TMEM67: variants seen among roughly 807,000 people sequenced by gnomAD.
TMEM67 encodes the protein transmembrane protein 67.
In TMEM67, 124 loss-of-function variants were observed where a neutral mutation model predicts 136.6. The ratio of observed to expected loss-of-function variants is 0.91; its 90% confidence interval spans 0.78 to 1.05. The LOEUF (loss-of-function observed/expected upper bound fraction) is 1.05. Among genes scored for constraint, TMEM67 ranks in the 50% least tolerant of loss-of-function variants. The pLI, the probability that TMEM67 is intolerant of heterozygous loss-of-function variation, is 0.00. For missense variants in TMEM67, 1,107 were observed against 1,178.4 expected (o/e 0.94, Z 0.89); for synonymous variants, 364 against 390.5 (o/e 0.93, Z 0.80).
chr8:93,790,402 C>T (rs1814324259), intron 14 of TMEM67, among the ~76,000 whole-genome samples: 1 of 152,100 alleles, frequency 6.6e-6, no homozygotes, highest in African/African-American at 2.4e-5. Context: ...TTTACAGTAC[C>T]TTTTCCAATA....
chr8:93,799,122 G>A (rs1814754335), intron 20 of TMEM67, among the ~76,000 whole-genome samples: 3 of 152,098 alleles, frequency 2.0e-5, no homozygotes, highest in Non-Finnish European at 4.4e-5. Context: ...CTACAAGGGT[G>A]GGAGGCATGG....
intron 7 of TMEM67, 48 bp from the exon 8 acceptor site, chr8:93,780,545 A>G: frequency 6.2e-7 from 1 of 1,611,626 alleles, no homozygotes; most frequent in Non-Finnish European, 8.5e-7. Flanking sequence ...ACTTTTGCAT[A>G]GACTGTTCAG....
chr8:93,755,694 T>C lies in TMEM67; in HGVS notation c.224-84T>C, dbSNP rs929964679. Reference sequence around the variant, plus strand: ...ATACTGCTTCTCAAGATCTTCAGACTTATTAAAAGTTTCACTATCTGGGAA... The same window carrying C: ...ATACTGCTTCTCAAGATCTTCAGACCTATTAAAAGTTTCACTATCTGGGAA... On this transcript the variant is annotated intron_variant, in intron 1 of 27. Coordinates refer to ENST00000453321, the MANE Select transcript of TMEM67 (RefSeq NM_153704.6). 8.9e-6 allele frequency: 8 copies of C among 899,770 alleles called. 1 individual carries two copies. In the Admixed American group the frequency reaches 2.1e-4, roughly 23 times the overall value. 55.7% of individuals were successfully genotyped at this position (899,770 alleles called of 1,614,324 possible). A position where few individuals can be genotyped will look rare whatever the true frequency, so the allele number is the denominator to read the frequency against.
intron 21 of TMEM67, among the ~76,000 whole-genome samples, chr8:93,800,901 C>T (rs1586076585): frequency 6.6e-6 from 1 of 151,472 alleles, no homozygotes; most frequent in Non-Finnish European, 1.5e-5. Context: ...TCAGATTGCT[C>T]GTACCCCTTG....
At chr8:93,792,170 A>AAATTT (rs1554555243) in intron 15 of TMEM67, among the ~76,000 whole-genome samples, 2 of 150,702 alleles carry the variant, frequency 1.3e-5, no homozygotes, top group Non-Finnish European at 3.0e-5. Context: ...CCGGCCCTCT[A>AAATTT]ATTTTATTTT....
At chr8:93,755,670 T>C in intron 1 of TMEM67, 108 bp from the exon 2 acceptor site, 1 of 760,332 alleles carries the variant, frequency 1.3e-6, no homozygotes, top group Non-Finnish European at 2.2e-6. Flanking sequence ...TTAATCACTA[T>C]ACTGCTTCTC....
intron 6 of TMEM67, chr8:93,769,527 C>G (rs988636492): frequency 1.2e-5 from 2 of 167,144 alleles, no homozygotes; most frequent in Non-Finnish European, 2.9e-5. Flanking sequence ...AACACTGATT[C>G]TTTCCTAAGG....
At chr8:93,779,112 A>C (rs1813691796) in intron 7 of TMEM67, among the ~76,000 whole-genome samples, 1 of 152,072 alleles carries the variant, frequency 6.6e-6, no homozygotes, top group Non-Finnish European at 1.5e-5. Flanking sequence ...TTTGATCTTC[A>C]ATTACTGATA....
intron 22 of TMEM67, among the ~76,000 whole-genome samples, chr8:93,803,928 G>A (rs1385831490): frequency 6.7e-6 from 1 of 149,718 alleles, no homozygotes; most frequent in Non-Finnish European, 1.5e-5. Context: ...AGGCTGGAGT[G>A]TAGTGGCACC....
chr8:93,832,591 G>A, the TMEM67 span, among the ~76,000 whole-genome samples: 29 of 152,272 alleles, frequency 1.9e-4, no homozygotes, highest in Admixed American at 7.2e-4. Context: ...CAATTGGGCC[G>A]GGCAGGGTGG....
chr8:93,770,077 C>T (rs138823798), intron 6 of TMEM67, among the ~76,000 whole-genome samples: 343 of 152,304 alleles, frequency 2.3e-3, no homozygotes, highest in Non-Finnish European at 3.7e-3. Context: ...GAAATAGCTT[C>T]ATGGTTTTTG....
intron 23 of TMEM67, among the ~76,000 whole-genome samples, chr8:93,805,125 A>G (rs1473866238): frequency 2.6e-5 from 4 of 152,078 alleles, no homozygotes; most frequent in Non-Finnish European, 1.5e-5. Context: ...GGCGCCTGCC[A>G]CTACACCCGG....
chr8:93,822,791 G>C (rs915310598), downstream of TMEM67, among the ~76,000 whole-genome samples: 2 of 152,112 alleles, frequency 1.3e-5, no homozygotes, highest in African/African-American at 4.8e-5. Context: ...CCATCTCCTA[G>C]GGAATGGGAT....
intron 7 of TMEM67, among the ~76,000 whole-genome samples, chr8:93,779,426 G>A (rs146725522): frequency 9.7e-4 from 148 of 152,278 alleles, no homozygotes; most frequent in Admixed American, 7.3e-3. Flanking sequence ...TCCTTTGGAA[G>A]AGAGGAGGCA....
intron 11 of TMEM67, among the ~76,000 whole-genome samples, chr8:93,784,159 A>G (rs932605921): frequency 6.6e-6 from 1 of 152,204 alleles, no homozygotes; most frequent in Non-Finnish European, 1.5e-5. Context: ...TACCATGAAC[A>G]TGAATTTACT....
chr8:93,827,457 C>A, the TMEM67 span, among the ~76,000 whole-genome samples: 1 of 152,140 alleles, frequency 6.6e-6, no homozygotes, highest in African/African-American at 2.4e-5. Context: ...TCATAGCTCG[C>A]TGCAGCTGCA....
Position 93,755,775 on chromosome 8 carries a change from T to TTTTGAA in TMEM67, c.224-3_224-2insTTTGAA. 2.3e-6 allele frequency: 3 copies of TTTTGAA among 1,281,720 alleles called. No homozygotes were observed. The highest frequency in any genetic ancestry group is 3.3e-6 in the Non-Finnish European group (3 of 917,210). 79.4% of individuals were successfully genotyped at this position (1,281,720 alleles called of 1,614,324 possible). ...GCTTTTTTTTTTTTTTTTTTTTTTT[T>TTTTGAA]AGGAACTTCATGTGTATGTCTACCA... On this transcript the variant is annotated splice_polypyrimidine_tract_variant and splice_region_variant and intron_variant, in intron 1 of 27. Coordinates refer to ENST00000453321, the MANE Select transcript of TMEM67 (RefSeq NM_153704.6).
the TMEM67 span, among the ~76,000 whole-genome samples, chr8:93,825,152 G>A: frequency 9.2e-5 from 14 of 152,202 alleles, no homozygotes; most frequent in Admixed American, 1.3e-4. Flanking sequence ...AATACAGTAC[G>A]TCATTATGAC....
intron 16 of TMEM67, 73 bp downstream of exon 16, chr8:93,793,369 T>A: frequency 7.9e-7 from 1 of 1,263,512 alleles, no homozygotes; most frequent in Non-Finnish European, 1.2e-6. Flanking sequence ...AAGACACAGC[T>A]AGAGAATAAG....
Sources: gnomAD v4.1 joint callset for allele counts (sites outside exome capture counted in the v4.1 genomes callset) on GRCh38, gnomAD v4.1.1 for gene constraint, MANE v1.5 for transcripts, NCBI Gene and HGNC (gene_info 2026-07-23, HGNC 2026-07-21) for gene names.